Variants in CCDC171 observed in about 807,000 individuals in gnomAD.
CCDC171 encodes the protein coiled-coil domain-containing protein 171.
Under a neutral mutation model 168.2 loss-of-function variants are expected in CCDC171, and 177 were observed. That is an observed-to-expected ratio of 1.05 (90% CI 0.93 to 1.19). The LOEUF is 1.19. CCDC171 is among the 50% of genes most tolerant of loss of function. CCDC171 has a pLI of 0.00. For synonymous variants in CCDC171, 687 were observed against 540.8 expected (o/e 1.27, Z -3.75); for missense variants, 1,991 against 1,539.0 (o/e 1.29, Z -4.91).
rs761368973 is a variant in CCDC171, at chr9:15,971,635, C to G, written c.3780C>G (p.Leu1260=). The change falls in exon 26 of 26, where the codon CTC becomes CTG. Residue 1260 remains leucine, a synonymous_variant. Transcript: ENST00000380701. Reference sequence around the variant, plus strand: ...TAGGATCACGAGACCATTCAAATCTCTCCATTCCTTCAAGAGCTCCTCTTC... The same window carrying G: ...TAGGATCACGAGACCATTCAAATCTGTCCATTCCTTCAAGAGCTCCTCTTC... The part of the protein sequence containing the change: ...QSIGSRDHSN[L]SIPSRAPLPA... 4 of 1,613,252 alleles carry G rather than the reference C, an allele frequency of 2.5e-6. No individual in the cohort carries two copies. In the Admixed American group the frequency reaches 6.7e-5, roughly 27 times the overall value.
At chr9:16,089,988 C>A in the CCDC171 span, among the ~76,000 whole-genome samples, 1 of 152,276 alleles carries the variant, frequency 6.6e-6, no homozygotes, top group African/African-American at 2.4e-5. Context: ...TAAATTAGTT[C>A]AACCATTGTG....
At chr9:15,752,907 G>C (rs529834144) in intron 18 of CCDC171, among the ~76,000 whole-genome samples, 2 of 152,054 alleles carry the variant, frequency 1.3e-5, no homozygotes, top group South Asian at 4.1e-4. Flanking sequence ...AAAGAAAAAG[G>C]TGATTTATGT....
intron 1 of CCDC171, among the ~76,000 whole-genome samples, chr9:15,560,213 TGCTCTTCTTGTG>T (rs1051640939): frequency 2.3e-4 from 35 of 152,126 alleles, no homozygotes; most frequent in African/African-American, 8.2e-4. Flanking sequence ...GTCTTGGAGT[TGCTCTTCTTGTG>T]GAGTATCTTT....
intron 20 of CCDC171, among the ~76,000 whole-genome samples, chr9:15,782,310 C>T (rs1335564535): frequency 6.6e-6 from 1 of 152,212 alleles, no homozygotes; most frequent in African/African-American, 2.4e-5. Context: ...CTTCCCCAGT[C>T]TCATGATCTT....
chr9:15,872,289 A>T (rs2062072849), intron 23 of CCDC171, among the ~76,000 whole-genome samples: 1 of 152,084 alleles, frequency 6.6e-6, no homozygotes, highest in Non-Finnish European at 1.5e-5. Flanking sequence ...TATACCAAAA[A>T]TATTGAAATG....
intron 10 of CCDC171, among the ~76,000 whole-genome samples, chr9:15,682,371 A>T (rs2050097990): frequency 1.3e-5 from 2 of 152,042 alleles, no homozygotes. Flanking sequence ...ATAAATATAA[A>T]ACATAATTTT....
chr9:16,071,730 C>T, the CCDC171 span, among the ~76,000 whole-genome samples: 1 of 152,120 alleles, frequency 6.6e-6, no homozygotes. Flanking sequence ...TTTGTCTGGC[C>T]CCCTAGAGTG....
intron 6 of CCDC171, among the ~76,000 whole-genome samples, chr9:16,025,310 T>C (rs1431647624): frequency 6.6e-6 from 1 of 152,032 alleles, no homozygotes; most frequent in Non-Finnish European, 1.5e-5. Flanking sequence ...GATGTGGTCA[T>C]GTGCGCCTGT....
intron 10 of CCDC171, among the ~76,000 whole-genome samples, chr9:15,692,886 C>T (rs1024021345): frequency 3.3e-5 from 5 of 151,408 alleles, no homozygotes; most frequent in African/African-American, 7.3e-5. Context: ...CCTGTAATCC[C>T]AGCACTTTGG....
chr9:15,769,454 AC>A, intron 18 of CCDC171, among the ~76,000 whole-genome samples: 1 of 152,216 alleles, frequency 6.6e-6, no homozygotes, highest in East Asian at 1.9e-4. Flanking sequence ...TGAGAAAAAA[AC>A]ATCTTGTTTC....
intron 23 of CCDC171, among the ~76,000 whole-genome samples, chr9:15,866,417 G>A (rs2061787960): frequency 6.6e-6 from 1 of 151,988 alleles, no homozygotes; most frequent in South Asian, 2.1e-4. Flanking sequence ...CAGAAGGAAG[G>A]ATGTGAAACT....
intron 24 of CCDC171, among the ~76,000 whole-genome samples, chr9:15,891,957 G>C (rs1056395200): frequency 6.6e-6 from 1 of 152,110 alleles, no homozygotes; most frequent in Non-Finnish European, 1.5e-5. Flanking sequence ...GGCCTGAATA[G>C]ATCACTAACC....
At chr9:16,064,758 A>G (rs1833973819), downstream of CCDC171, among the ~76,000 whole-genome samples, 1 of 152,242 alleles carries the variant, frequency 6.6e-6, no homozygotes, top group South Asian at 2.1e-4. Context: ...CCATGCCACT[A>G]AGAAAATTGG....
At chr9:15,555,018 T>G (rs1350166956) in intron 1 of CCDC171, among the ~76,000 whole-genome samples, 1 of 152,162 alleles carries the variant, frequency 6.6e-6, no homozygotes, top group Non-Finnish European at 1.5e-5. Flanking sequence ...CACTGAAAGA[T>G]GAGTGCATTT....
At chr9:15,580,221 A>G (rs1379115701) in intron 4 of CCDC171, among the ~76,000 whole-genome samples, 1 of 152,200 alleles carries the variant, frequency 6.6e-6, no homozygotes, top group Non-Finnish European at 1.5e-5. Context: ...AATCAATTCA[A>G]GATCAAAGAC....
At position 15,754,206 on chromosome 9, in the gene CCDC171, A is replaced by T. The variant is rs1269713288; in HGVS notation, c.2671+8575A>T. 5.3e-5 allele frequency among the ~76,000 whole-genome samples: 8 copies of T among 152,192 alleles called. No individual in the cohort carries two copies. In the South Asian group the frequency reaches 1.7e-3, roughly 32 times the overall value. On this transcript the variant is annotated intron_variant, in intron 18 of 25. Transcript: ENST00000380701. ...AATTTAGCATATGAATAACCTAAAC[A>T]GGTAAACATTATTGTATGGTAGAGA... is the stretch of plus-strand genomic sequence containing the variant.
chr9:15,634,324 T>C (rs2046022086), intron 7 of CCDC171, among the ~76,000 whole-genome samples: 1 of 152,164 alleles, frequency 6.6e-6, no homozygotes, highest in Non-Finnish European at 1.5e-5. Context: ...CTATAGGTCT[T>C]TTCTCTGTAT....
At chr9:15,922,664 G>A (rs1267588025) in intron 25 of CCDC171, among the ~76,000 whole-genome samples, 1 of 151,548 alleles carries the variant, frequency 6.6e-6, no homozygotes, top group African/African-American at 2.4e-5. Context: ...TTCCATGACT[G>A]TACTAATTTA....
intron 25 of CCDC171, among the ~76,000 whole-genome samples, chr9:15,969,510 A>G (rs1831139131): frequency 6.6e-6 from 1 of 152,172 alleles, no homozygotes; most frequent in Admixed American, 6.5e-5. Context: ...ATCCAGAAGA[A>G]AATACCCCCA....
Sources: allele counts gnomAD v4.1 joint callset (sites outside exome capture counted in the v4.1 genomes callset), GRCh38; gene constraint gnomAD v4.1.1; transcripts MANE v1.5; gene names NCBI Gene and HGNC (gene_info 2026-07-23, HGNC 2026-07-21).